Variants in SNED1 observed in about 807,000 individuals in gnomAD.
SNED1 encodes the protein sushi, nidogen and EGF-like domain-containing protein 1.
SNED1 carries 81 observed loss-of-function variants against 166.7 expected under a neutral mutation model. That is an observed-to-expected ratio of 0.49 (90% CI 0.41 to 0.58). The LOEUF is 0.58. Among genes scored for constraint, SNED1 ranks in the 20% least tolerant of loss-of-function variants. The probability of loss-of-function intolerance (pLI) is 0.00; values close to 1 mark genes in which losing one functional copy is unlikely to be tolerated. For synonymous variants in SNED1, 762 were observed against 822.0 expected (o/e 0.93, Z 1.25); for missense variants, 1,604 against 2,000.2 (o/e 0.80, Z 3.78).
In SNED1 at chr2:241,068,026, G is replaced by A. The variant is rs2062536256; in HGVS notation, c.3194+79G>A. On this transcript the variant is annotated intron_variant, in intron 22 of 31. Coordinates refer to ENST00000310397, the MANE Select transcript of SNED1 (RefSeq NM_001080437.3). The surrounding 1 kb of genome is among the most constrained non-coding windows in gnomAD (Gnocchi z 5.3). Reference sequence around the variant, plus strand: ...CGGGGACACGGGGCCCAGGTCTCGGGCACATTCTCCGTGTGTGGACTGTAC... The same window carrying A: ...CGGGGACACGGGGCCCAGGTCTCGGACACATTCTCCGTGTGTGGACTGTAC... 1 of 1,345,162 alleles carries A rather than the reference G, an allele frequency of 7.4e-7. No individual in the cohort carries two copies. The allele number at this position is 1,345,162 out of a possible 1,614,324, so 83.3% of individuals were successfully genotyped here.
chr2:241,039,585 G>A (rs192853800), intron 6 of SNED1, among the ~76,000 whole-genome samples: 49 of 152,172 alleles, frequency 3.2e-4, no homozygotes, highest in Admixed American at 7.2e-4. Context: ...TCAGTAACTG[G>A]GGGCCAGAGT....
intron 6 of SNED1, 108 bp downstream of exon 6, chr2:241,037,461 C>T (rs2061410113): frequency 1.3e-6 from 1 of 760,498 alleles, no homozygotes; most frequent in South Asian, 1.7e-5. Context: ...GTGCATGCTG[C>T]AAGGTAGACA....
At position 241,068,644 on chromosome 2, in the gene SNED1, G is replaced by T. The variant is rs567768915; in HGVS notation, c.3195-267G>T. Among the ~76,000 whole-genome samples the T allele has an allele frequency of 6.6e-6, 1 of 152,130 alleles. No individual in the cohort carries two copies. Among genetic ancestry groups the T allele is most frequent in the East Asian group, 1.9e-4 (1 of 5,160 alleles). On this transcript the variant is annotated intron_variant, in intron 22 of 31. Coordinates refer to ENST00000310397, the MANE Select transcript of SNED1 (RefSeq NM_001080437.3). The surrounding 1 kb of genome is among the most constrained non-coding windows in gnomAD (Gnocchi z 5.3). ...CTTCCCCCTTCTCTGGCCTCTCCCA[G>T]CTGAACACCGGCCCTCTGACCATAC...
chr2:241,046,832 A>T (rs2061659973), intron 8 of SNED1, among the ~76,000 whole-genome samples: 1 of 152,214 alleles, frequency 6.6e-6, no homozygotes, highest in African/African-American at 2.4e-5. Flanking sequence ...AAGCACGTGA[A>T]GAAACTGAAC....
intron 1 of SNED1, among the ~76,000 whole-genome samples, chr2:241,022,552 A>C (rs2060804854): frequency 1.3e-5 from 2 of 152,160 alleles, no homozygotes; most frequent in African/African-American, 2.4e-5. Context: ...CCTTGTTTCC[A>C]GCCTACCTCT....
chr2:241,039,948 G>A lies in SNED1; in HGVS notation c.1046-127G>A. On this transcript the variant is annotated intron_variant, in intron 6 of 31. Transcript: ENST00000310397. ...TTGCCTGTCGCCCGCTCAGAAACCTGCCTGCCAGGCCCCCCTGCAATGTAA... is the reference window on the plus strand; with the variant it reads ...TTGCCTGTCGCCCGCTCAGAAACCTACCTGCCAGGCCCCCCTGCAATGTAA... 6.8e-6 allele frequency: 5 copies of A among 740,304 alleles called. No homozygotes were observed. The South Asian group carries it at 7.0e-5, about 10-fold the overall frequency. The allele number at this position is 740,304 out of a possible 1,614,324, so 45.9% of individuals were successfully genotyped here.
intron 1 of SNED1, among the ~76,000 whole-genome samples, chr2:241,014,744 G>A (rs1186316843): frequency 2.0e-5 from 3 of 152,112 alleles, no homozygotes; most frequent in Non-Finnish European, 4.4e-5. Context: ...TAATTTTACT[G>A]TAGTAAATTC....
At chr2:241,011,051 C>T (rs2060376010) in intron 1 of SNED1, among the ~76,000 whole-genome samples, 1 of 148,644 alleles carries the variant, frequency 6.7e-6, no homozygotes, top group Non-Finnish European at 1.5e-5. Flanking sequence ...GCCCTCCCTC[C>T]CTGCCTGGGG....
rs541452221 is a variant in SNED1 at position 241,053,950 on chromosome 2, C to T, written c.2257+624C>T. On this transcript the variant is annotated intron_variant, in intron 16 of 31. Coordinates refer to ENST00000310397, the MANE Select transcript of SNED1 (RefSeq NM_001080437.3). ...TCTGTGTGATGTGAGCTAGTTTTTA[C>T]GAAGCAAGGATTTTAAAACAAGCTT... Among the ~76,000 whole-genome samples, 171 of 152,302 alleles carry T rather than the reference C, an allele frequency of 1.1e-3. 3 individuals carry two copies. The South Asian group carries it at 0.032, about 29-fold the overall frequency.
chr2:241,014,813 T>A (rs1229391612), intron 1 of SNED1, among the ~76,000 whole-genome samples: 1 of 152,188 alleles, frequency 6.6e-6, no homozygotes, highest in Non-Finnish European at 1.5e-5. Context: ...CACGCAGGTC[T>A]CTAATACACC....
In SNED1 at chr2:241,063,602, G is replaced by C; in HGVS notation, c.2387G>C (p.Arg796Pro). 1 of 1,609,122 alleles carries C rather than the reference G, an allele frequency of 6.2e-7. No homozygotes were observed. The highest frequency in any genetic ancestry group is 8.5e-7 in the Non-Finnish European group (1 of 1,177,744). The stretch of plus-strand genomic sequence containing the variant: ...CTCTGTGCAGAGAGGGATGAGTGCC[G>C]AGCTCACCCGTGCAGAAATGGAGGG... ...AHCELERDECRAHPCRNGGSC... is the reference protein window; with the variant it reads ...AHCELERDECPAHPCRNGGSC... The change falls in exon 18 of 32, where the codon CGA becomes CCA. Residue 796 changes from arginine (R) to proline (P), a missense_variant. Physicochemically the swap from Arg to Pro is moderately radical, Grantham distance 103. Around this residue, in one of 2 missense-constraint regions of SNED1, gnomAD observed 1,237 missense variants for 1,620.8 expected, o/e 0.76. Transcript: ENST00000310397.
chr2:241,080,993 C>G (rs146856350), intron 27 of SNED1, among the ~76,000 whole-genome samples: 1,674 of 152,310 alleles, frequency 0.011, 17 homozygotes, highest in South Asian at 0.022. Flanking sequence ...ATGTCTTGCT[C>G]GAGCCATCAG....
rs892944662 is a variant in SNED1 at position 241,052,855 on chromosome 2, G to T, written c.2084-298G>T. On this transcript the variant is annotated intron_variant, in intron 15 of 31. Coordinates refer to ENST00000310397, the MANE Select transcript of SNED1 (RefSeq NM_001080437.3). ...CGGTGTCAGGCAGGTGAGATGGCCG[G>T]GGGGCCGAGCAGGGTACATGGGATA... is the stretch of plus-strand genomic sequence containing the variant. Among the ~76,000 whole-genome samples, 16 of 149,414 alleles carry T rather than the reference G, an allele frequency of 1.1e-4. 1 individual carries two copies. The East Asian group carries it at 1.2e-3, about 12-fold the overall frequency.
chr2:241,030,615 G>C, intron 2 of SNED1, 44 bp downstream of exon 2: 1 of 1,590,890 alleles, frequency 6.3e-7, no homozygotes, highest in Non-Finnish European at 8.6e-7. Context: ...TGTGTGGCTA[G>C]GGCCCAGGGT....
chr2:241,028,096 G>C (rs1016743182), intron 1 of SNED1, among the ~76,000 whole-genome samples: 5 of 152,152 alleles, frequency 3.3e-5, no homozygotes, highest in Non-Finnish European at 7.3e-5. Context: ...GTTCTTTGGA[G>C]AAATGTCTGT....
At chr2:241,019,108 G>T (rs2060689655) in intron 1 of SNED1, among the ~76,000 whole-genome samples, 1 of 151,390 alleles carries the variant, frequency 6.6e-6, no homozygotes. Context: ...TGCCCATGGT[G>T]TGTGGACCAG....
At position 240,998,786 on chromosome 2, in the gene SNED1, TC is replaced by T; in HGVS notation, c.-47del. 2 of 955,242 alleles carry T rather than the reference TC, an allele frequency of 2.1e-6. No homozygotes were observed. The highest frequency in any genetic ancestry group is 1.3e-6 in the Non-Finnish European group (1 of 776,682). 59.2% of individuals were successfully genotyped at this position (955,242 alleles called of 1,614,324 possible). A position where few individuals can be genotyped will look rare whatever the true frequency, so the allele number is the denominator to read the frequency against. ...CCGGCCACCCCCGCGCGCAGCCTAG[TC>T]CCCCAGCGCCCTGCTCCGCCAGCGC... On this transcript the variant is annotated 5_prime_UTR_variant, in exon 1 of 32. Transcript: ENST00000310397.
chr2:241,046,426 A>G (rs2061648977), intron 8 of SNED1, among the ~76,000 whole-genome samples: 1 of 152,234 alleles, frequency 6.6e-6, no homozygotes, highest in Admixed American at 6.5e-5. Context: ...GTGAATGGAT[A>G]GACAAATTGT....
At chr2:241,090,358 T>G (rs2063857180) in intron 31 of SNED1, 1 of 1,550,170 alleles carries the variant, frequency 6.5e-7, no homozygotes, top group African/African-American at 1.4e-5. Flanking sequence ...CCACCTCCTG[T>G]GACAATGATG....
Sources: gnomAD v4.1 joint callset for allele counts (sites outside exome capture counted in the v4.1 genomes callset) on GRCh38, gnomAD v4.1.1 for gene constraint, gnomAD v4.1.1 regional missense constraint, Gnocchi (gnomAD v3.1) non-coding constraint, MANE v1.5 for transcripts, NCBI Gene and HGNC (gene_info 2026-07-23, HGNC 2026-07-21) for gene names.